The following EPYC variants were observed in gnomAD, a reference collection of about 807,000 sequenced individuals.
EPYC encodes dermatan sulfate proteoglycan 3.
A neutral mutation model predicts 30.1 loss-of-function variants in EPYC; 28 were observed. The ratio of observed to expected loss-of-function variants is 0.93; its 90% CI spans 0.69 to 1.28. EPYC has a LOEUF of 1.28. EPYC is among the 50% of genes most tolerant of loss of function. The pLI is 0.00. For missense variants in EPYC, 382 were observed against 383.5 expected (o/e 1.00, Z 0.03); for synonymous variants, 144 against 141.4 (o/e 1.02, Z -0.13).
chr12:90,970,707 C>G (rs1034235183), intron 5 of EPYC, among the ~76,000 whole-genome samples: 1 of 152,182 alleles, frequency 6.6e-6, no homozygotes, highest in African/African-American at 2.4e-5. Context: ...AGACTATGAC[C>G]CTTGCCTGGC....
intron 6 of EPYC, among the ~76,000 whole-genome samples, chr12:90,969,829 G>T (rs1876991842): frequency 6.6e-6 from 1 of 152,096 alleles, no homozygotes; most frequent in Admixed American, 6.5e-5. Context: ...AAAGAGTAAA[G>T]TTATCAGAAT....
intron 1 of EPYC, among the ~76,000 whole-genome samples, chr12:91,004,656 C>A (rs1194354245): frequency 9.2e-5 from 14 of 151,998 alleles, no homozygotes; most frequent in Admixed American, 9.2e-4. Flanking sequence ...AGAATGTGGT[C>A]TGTGTCAGGA....
At chr12:90,994,953 C>A (rs1222366229) in intron 2 of EPYC, among the ~76,000 whole-genome samples, 1 of 152,092 alleles carries the variant, frequency 6.6e-6, no homozygotes, top group Non-Finnish European at 1.5e-5. Context: ...TGTATTACCA[C>A]TACGGCAACA....
At chr12:90,978,545 G>A (rs1303902219) in intron 2 of EPYC, among the ~76,000 whole-genome samples, 1 of 150,408 alleles carries the variant, frequency 6.6e-6, no homozygotes, top group Non-Finnish European at 1.5e-5. Flanking sequence ...CATTTCATAG[G>A]TTTAAAAAAA....
At chr12:90,985,569 C>A (rs925251502) in intron 2 of EPYC, among the ~76,000 whole-genome samples, 4 of 152,146 alleles carry the variant, frequency 2.6e-5, no homozygotes, top group African/African-American at 9.7e-5. Context: ...GACAAACAAA[C>A]CTTGGTGGTT....
At chr12:90,989,414 C>A (rs1466234053) in intron 2 of EPYC, among the ~76,000 whole-genome samples, 1 of 151,946 alleles carries the variant, frequency 6.6e-6, no homozygotes, top group Non-Finnish European at 1.5e-5. Context: ...ATTTGCAAGT[C>A]AAATATCAAA....
At chr12:90,994,342 T>C (rs1452393387) in intron 2 of EPYC, among the ~76,000 whole-genome samples, 11 of 152,184 alleles carry the variant, frequency 7.2e-5, no homozygotes, top group African/African-American at 2.4e-4. Context: ...ACATTTGCTA[T>C]GTACCAGGTT....
chr12:90,974,150 A>G (rs1015060637), intron 3 of EPYC, among the ~76,000 whole-genome samples: 1 of 152,018 alleles, frequency 6.6e-6, no homozygotes, highest in Admixed American at 6.6e-5. Context: ...GGAGATGGAG[A>G]ATTAATGATC....
chr12:90,981,474 C>T (rs1877323570), intron 2 of EPYC, among the ~76,000 whole-genome samples: 1 of 152,080 alleles, frequency 6.6e-6, no homozygotes, highest in African/African-American at 2.4e-5. Context: ...CTTTTATTTT[C>T]TGATAATCAC....
Position 90,971,988 on chromosome 12 carries a change from TCCTTTTTAAATCAC to T in EPYC, c.500_513del (p.Ser167AsnfsTer2), listed in dbSNP as rs1206038242. On this transcript the variant is annotated frameshift_variant and splice_region_variant, in exon 5 of 7. Coordinates refer to ENST00000261172, the MANE Select transcript of EPYC (RefSeq NM_004950.5). LOFTEE classifies it high-confidence loss of function. ...GATATTAAATTTGATGTCAGATCAA[TCCTTTTTAAATCAC>T]CTAGCAGAAAAAAATAAAGGAAGTA... is the stretch of plus-strand genomic sequence containing the variant. 1.3e-6 allele frequency: 2 copies of T among 1,579,982 alleles called. No homozygotes were observed. Among genetic ancestry groups the T allele is most frequent in the Non-Finnish European group, 1.7e-6 (2 of 1,160,308 alleles).
Position 91,002,569 on chromosome 12 carries a change from T to C in EPYC, c.-4A>G. On this transcript the variant is annotated 5_prime_UTR_variant, in exon 2 of 7. Transcript: ENST00000261172. Reference sequence around the variant, plus strand: ...CAAGTCCTGCTAATGTCTTCATTTTTCAAGCTTTCCTAATTATAAAATATT... The same window carrying C: ...CAAGTCCTGCTAATGTCTTCATTTTCCAAGCTTTCCTAATTATAAAATATT... 2 of 1,600,022 alleles carry C rather than the reference T, an allele frequency of 1.2e-6. No individual in the cohort carries two copies. The highest frequency in any genetic ancestry group is 1.7e-6 in the Non-Finnish European group (2 of 1,175,648).
rs149405119 is a variant in EPYC, at chr12:90,965,036, C to A, written c.799-710G>T. 5.8e-3 allele frequency among the ~76,000 whole-genome samples: 882 copies of A among 152,270 alleles called. 8 individuals are homozygous for A. Among genetic ancestry groups the A allele is most frequent in the African/African-American group, 0.02 (841 of 41,552 alleles). ...AACCACACATTCCCCTCCTCCCACC[C>A]CAGCAACTGCTAATCTATTTTCTTT... On this transcript the variant is annotated intron_variant, in intron 6 of 6. Coordinates refer to ENST00000261172, the MANE Select transcript of EPYC (RefSeq NM_004950.5).
chr12:90,965,295 T>G (rs1354839434), intron 6 of EPYC, among the ~76,000 whole-genome samples: 1 of 152,226 alleles, frequency 6.6e-6, no homozygotes, highest in East Asian at 1.9e-4. Flanking sequence ...AAATTATGCC[T>G]CTTATGAATA....
At chr12:90,970,231 C>T in intron 5 of EPYC, 92 bp from the exon 6 acceptor site, 1 of 878,736 alleles carries the variant, frequency 1.1e-6, no homozygotes, top group Non-Finnish European at 1.8e-6. Context: ...ATTCCCTCTA[C>T]ATGCAGATAT....
At chr12:90,988,566 T>A (rs553495982) in intron 2 of EPYC, among the ~76,000 whole-genome samples, 1 of 152,312 alleles carries the variant, frequency 6.6e-6, no homozygotes, top group African/African-American at 2.4e-5. Flanking sequence ...GCATGAATTC[T>A]GTACTCAGCC....
At chr12:91,001,883 T>C (rs952654739) in intron 2 of EPYC, among the ~76,000 whole-genome samples, 1 of 151,866 alleles carries the variant, frequency 6.6e-6, no homozygotes, top group African/African-American at 2.4e-5. Flanking sequence ...GGAAATAACA[T>C]GAGCTTTAAA....
At chr12:90,973,829 A>G (rs1441930642) in intron 3 of EPYC, among the ~76,000 whole-genome samples, 1 of 152,106 alleles carries the variant, frequency 6.6e-6, no homozygotes, top group African/African-American at 2.4e-5. Flanking sequence ...GGATGGGCAG[A>G]GGTATCATAC....
At chr12:90,972,025 G>A (rs1374294045) in intron 4 of EPYC, 23 bp from the exon 5 acceptor site, 4 of 1,324,350 alleles carry the variant, frequency 3.0e-6, no homozygotes, top group African/African-American at 1.5e-5. Flanking sequence ...AATAAAGGAA[G>A]TAATTAAATA....
rs772480241 is a variant in EPYC, at chr12:91,002,398, T to TCAAGAGTAGGAGGATGATA, written c.165+2_165+3insTATCATCCTCCTACTCTTG. The TCAAGAGTAGGAGGATGATA allele has an allele frequency of 6.2e-7, 1 of 1,609,912 alleles. No homozygotes were observed. Among genetic ancestry groups the TCAAGAGTAGGAGGATGATA allele is most frequent in the East Asian group, 2.2e-5 (1 of 44,660 alleles). ...AAGTTTCAAGAGTAGGAGGATCGAT[T>TCAAGAGTAGGAGGATGATA]ACCTCAACTTTATCAACAGGTATGT... On this transcript the variant is annotated splice_region_variant and intron_variant, in intron 2 of 6. Coordinates refer to ENST00000261172, the MANE Select transcript of EPYC (RefSeq NM_004950.5).
Sources: gnomAD v4.1 joint callset for allele counts (sites outside exome capture counted in the v4.1 genomes callset) on GRCh38, gnomAD v4.1.1 for gene constraint, MANE v1.5 for transcripts, NCBI Gene and HGNC (gene_info 2026-07-23, HGNC 2026-07-21) for gene names.